Variants in DOK6 observed in about 807,000 individuals in gnomAD.
The protein encoded by DOK6 is docking protein 6.
A neutral mutation model predicts 44.0 loss-of-function variants in DOK6; 22 were observed. That is an observed-to-expected ratio of 0.50 (90% CI 0.36 to 0.71). The LOEUF is 0.71. DOK6 is among the 30% of genes least tolerant of loss of function. The pLI is 0.00. For synonymous variants in DOK6, 166 were observed against 145.5 expected (o/e 1.14, Z -1.01); for missense variants, 340 against 416.4 (o/e 0.82, Z 1.60).
intron 1 of DOK6, among the ~76,000 whole-genome samples, chr18:69,515,532 C>T (rs568282245): frequency 1.3e-5 from 2 of 152,126 alleles, no homozygotes; most frequent in South Asian, 4.1e-4. Flanking sequence ...CAGGCGTGAA[C>T]TAACAAACAT....
intron 3 of DOK6, among the ~76,000 whole-genome samples, chr18:69,648,591 G>A (rs1212980570): frequency 6.6e-6 from 1 of 152,134 alleles, no homozygotes; most frequent in Non-Finnish European, 1.5e-5. Context: ...ATAAGGACTA[G>A]GAAATAGAGG....
chr18:69,637,794 T>C (rs567303513), intron 3 of DOK6, among the ~76,000 whole-genome samples: 1 of 152,270 alleles, frequency 6.6e-6, no homozygotes, highest in East Asian at 1.9e-4. Context: ...TTTATTAACA[T>C]TGAGTTATAT....
chr18:69,826,157 C>T (rs915552274), intron 7 of DOK6, among the ~76,000 whole-genome samples: 2 of 152,182 alleles, frequency 1.3e-5, no homozygotes, highest in Non-Finnish European at 2.9e-5. Context: ...ATGTCTGACA[C>T]TGCTAGTGCT....
intron 7 of DOK6, among the ~76,000 whole-genome samples, chr18:69,825,178 C>T (rs962114028): frequency 7.2e-5 from 11 of 151,954 alleles, no homozygotes; most frequent in Non-Finnish European, 1.3e-4. Flanking sequence ...CAAAAAGACT[C>T]GAACAAACAT....
Position 69,793,784 on chromosome 18 carries a change from T to C in DOK6, c.856+35911T>C, listed in dbSNP as rs531917374. On this transcript the variant is annotated intron_variant, in intron 7 of 7. Coordinates refer to ENST00000382713, the MANE Select transcript of DOK6 (RefSeq NM_152721.6). ...ACTTTCCCAACATCTTTTGCACATCTAGAGAGAAAGAAATAAGCACTATGG... is the reference window on the plus strand; with the variant it reads ...ACTTTCCCAACATCTTTTGCACATCCAGAGAGAAAGAAATAAGCACTATGG... Among the ~76,000 whole-genome samples the C allele has an allele frequency of 3.3e-5, 5 of 152,096 alleles. No homozygotes were observed. The South Asian group carries it at 8.3e-4, about 25-fold the overall frequency.
At chr18:69,736,740 T>A (rs1043246178) in intron 5 of DOK6, among the ~76,000 whole-genome samples, 1 of 152,194 alleles carries the variant, frequency 6.6e-6, no homozygotes, top group African/African-American at 2.4e-5. Flanking sequence ...ATAATATTAG[T>A]TTTATATATC....
intron 2 of DOK6, among the ~76,000 whole-genome samples, chr18:69,588,372 T>G (rs1983552571): frequency 6.6e-6 from 1 of 152,162 alleles, no homozygotes; most frequent in Admixed American, 6.5e-5. Flanking sequence ...AACATGTGTG[T>G]TTTTCCTCTC....
At chr18:69,449,175 G>T (rs957568765) in intron 1 of DOK6, among the ~76,000 whole-genome samples, 5 of 152,186 alleles carry the variant, frequency 3.3e-5, no homozygotes, top group Admixed American at 3.3e-4. Flanking sequence ...TTTATGCAAA[G>T]AGTTTATTGC....
chr18:69,536,112 G>A (rs1376187243), intron 1 of DOK6, among the ~76,000 whole-genome samples: 1 of 152,130 alleles, frequency 6.6e-6, no homozygotes, highest in East Asian at 1.9e-4. Context: ...TAGTCCCTGA[G>A]TATAAAGAAA....
intron 1 of DOK6, among the ~76,000 whole-genome samples, chr18:69,562,466 T>G (rs1982859319): frequency 6.6e-6 from 1 of 152,192 alleles, no homozygotes; most frequent in Admixed American, 6.5e-5. Context: ...TCAGGTAGTG[T>G]GATGCCTCCA....
chr18:69,638,005 G>A (rs1172809348), intron 3 of DOK6, among the ~76,000 whole-genome samples: 2 of 151,920 alleles, frequency 1.3e-5, no homozygotes, highest in African/African-American at 4.8e-5. Context: ...TCGTACTCTA[G>A]GCCCACTGCT....
chr18:69,632,519 A>G (rs983063134), intron 3 of DOK6, among the ~76,000 whole-genome samples: 1 of 152,156 alleles, frequency 6.6e-6, no homozygotes, highest in Non-Finnish European at 1.5e-5. Flanking sequence ...TACTGTATAT[A>G]GGAAGGAACC....
chr18:69,686,678 A>G (rs1372987484), intron 4 of DOK6, among the ~76,000 whole-genome samples: 1 of 152,160 alleles, frequency 6.6e-6, no homozygotes, highest in Non-Finnish European at 1.5e-5. Context: ...CTCAAAGTTC[A>G]CTGGATGAAG....
At chr18:69,446,590 T>C (rs975208903) in intron 1 of DOK6, among the ~76,000 whole-genome samples, 4 of 152,164 alleles carry the variant, frequency 2.6e-5, no homozygotes, top group African/African-American at 9.7e-5. Context: ...GATGGCTGGG[T>C]CAAATGGTAT....
At chr18:69,764,116 C>T (rs541596844) in intron 7 of DOK6, among the ~76,000 whole-genome samples, 144 of 152,278 alleles carry the variant, frequency 9.5e-4, no homozygotes, top group African/African-American at 3.3e-3. Flanking sequence ...TCTTTATTTT[C>T]ATGAACACAG....
intron 1 of DOK6, among the ~76,000 whole-genome samples, chr18:69,522,473 A>T (rs1051093429): frequency 2.0e-5 from 3 of 152,048 alleles, no homozygotes; most frequent in Admixed American, 2.0e-4. Flanking sequence ...ATTTCTAAAA[A>T]ATTTAAATCT....
At chr18:69,539,323 A>AT (rs1982205455) in intron 1 of DOK6, among the ~76,000 whole-genome samples, 1 of 152,104 alleles carries the variant, frequency 6.6e-6, no homozygotes, top group African/African-American at 2.4e-5. Context: ...GTCTCCTTTC[A>AT]TTTTGGTAGA....
chr18:69,688,228 T>G (rs1343924683), intron 4 of DOK6, among the ~76,000 whole-genome samples: 1 of 152,212 alleles, frequency 6.6e-6, no homozygotes, highest in Non-Finnish European at 1.5e-5. Flanking sequence ...CTTTTATGAT[T>G]GGAACACTCA....
At chr18:69,730,601 G>A (rs556293279) in intron 5 of DOK6, among the ~76,000 whole-genome samples, 5 of 152,044 alleles carry the variant, frequency 3.3e-5, no homozygotes, top group South Asian at 2.1e-4. Context: ...TAACATTTTC[G>A]ATGAAGATTG....
Sources: allele counts gnomAD v4.1 joint callset (sites outside exome capture counted in the v4.1 genomes callset), GRCh38; gene constraint gnomAD v4.1.1; transcripts MANE v1.5; gene names NCBI Gene and HGNC (gene_info 2026-07-23, HGNC 2026-07-21).